Variants in KCNIP4 observed in about 807,000 individuals in gnomAD.
KCNIP4 encodes the protein Kv channel-interacting protein 4.
Under a neutral mutation model 34.0 loss-of-function variants are expected in KCNIP4, and 12 were observed. The ratio of observed to expected loss-of-function variants is 0.35; its 90% confidence interval spans 0.23 to 0.57. The LOEUF is 0.57. Among genes scored for constraint, KCNIP4 ranks in the 20% least tolerant of loss-of-function variants. The probability of loss-of-function intolerance (pLI) is 0.83; values close to 1 mark genes in which losing one functional copy is unlikely to be tolerated. For synonymous variants in KCNIP4, 124 were observed against 102.2 expected, an observed-to-expected ratio of 1.21 and a Z score of -1.29; for missense variants, 238 against 311.7, an observed-to-expected ratio of 0.76 and a Z score of 1.78.
intron 1 of KCNIP4, among the ~76,000 whole-genome samples, chr4:21,506,008 C>T (rs1160612343): frequency 6.6e-6 from 1 of 152,094 alleles, no homozygotes; most frequent in African/African-American, 2.4e-5. Flanking sequence ...GAGGCTGAGG[C>T]AGGAGAATCA....
At chr4:21,564,239 G>A (rs1739670399) in intron 1 of KCNIP4, among the ~76,000 whole-genome samples, 1 of 152,114 alleles carries the variant, frequency 6.6e-6, no homozygotes, top group Non-Finnish European at 1.5e-5. Context: ...CACGTTGAGT[G>A]CAAAGATGAG....
At chr4:21,047,324 A>G (rs1287101334) in intron 1 of KCNIP4, among the ~76,000 whole-genome samples, 2 of 152,200 alleles carry the variant, frequency 1.3e-5, no homozygotes, top group Non-Finnish European at 2.9e-5. Flanking sequence ...TGCTTACCAT[A>G]TAATGATTGG....
chr4:21,597,451 A>C (rs1742748120), intron 1 of KCNIP4, among the ~76,000 whole-genome samples: 1 of 152,082 alleles, frequency 6.6e-6, no homozygotes, highest in African/African-American at 2.4e-5. Context: ...TACACCCATG[A>C]ATATCTTCAC....
intron 1 of KCNIP4, among the ~76,000 whole-genome samples, chr4:21,122,386 T>C (rs1978740): frequency 0.33 from 48,513 of 145,130 alleles, 8,838 homozygotes; most frequent in African/African-American, 0.39. Context: ...GGTTAAATTG[T>C]TCTTGTAGGA....
intron 1 of KCNIP4, among the ~76,000 whole-genome samples, chr4:21,476,565 C>T (rs13109655): frequency 0.12 from 18,989 of 152,112 alleles, 1,351 homozygotes; most frequent in South Asian, 0.21. Context: ...GGACTTACAC[C>T]GTCCAGAACT....
At chr4:20,957,910 C>T (rs62296198) in intron 1 of KCNIP4, among the ~76,000 whole-genome samples, 1 of 152,296 alleles carries the variant, frequency 6.6e-6, no homozygotes, top group Admixed American at 6.5e-5. Context: ...GGCCTCACAT[C>T]CCTTCAGAGG....
intron 3 of KCNIP4, among the ~76,000 whole-genome samples, chr4:20,811,491 ATGTG>A (rs754289052): frequency 1.8e-4 from 26 of 147,510 alleles, no homozygotes; most frequent in Non-Finnish European, 3.7e-4. Context: ...GTGTGTGTGC[ATGTG>A]TGTGTGTGTG....
At chr4:21,492,462 G>A (rs1732495746) in intron 1 of KCNIP4, among the ~76,000 whole-genome samples, 1 of 152,006 alleles carries the variant, frequency 6.6e-6, no homozygotes, top group Non-Finnish European at 1.5e-5. Flanking sequence ...GGCCTCAAGT[G>A]ATCCTCCTGC....
intron 1 of KCNIP4, among the ~76,000 whole-genome samples, chr4:21,117,091 C>T (rs1749740636): frequency 6.6e-6 from 1 of 152,116 alleles, no homozygotes; most frequent in Admixed American, 6.6e-5. Context: ...ACTCCATTAA[C>T]CATTTCACAA....
At chr4:21,403,892 G>A (rs2109562432) in intron 1 of KCNIP4, among the ~76,000 whole-genome samples, 1 of 152,232 alleles carries the variant, frequency 6.6e-6, no homozygotes, top group Admixed American at 6.5e-5. Flanking sequence ...TTTTATACGA[G>A]CACTAATCCC....
chr4:21,366,643 G>A (rs987024537), intron 1 of KCNIP4, among the ~76,000 whole-genome samples: 1 of 152,128 alleles, frequency 6.6e-6, no homozygotes, highest in African/African-American at 2.4e-5. Flanking sequence ...TAAAGCTGAG[G>A]AGAACCCAAT....
chr4:21,158,765 T>C (rs1380218745), intron 1 of KCNIP4, among the ~76,000 whole-genome samples: 2 of 152,096 alleles, frequency 1.3e-5, no homozygotes, highest in Admixed American at 1.3e-4. Flanking sequence ...GTTCGAATTG[T>C]ATAGTGCAGA....
At chr4:20,788,835 A>T (rs1560465756) in intron 3 of KCNIP4, among the ~76,000 whole-genome samples, 1 of 152,148 alleles carries the variant, frequency 6.6e-6, no homozygotes, top group Non-Finnish European at 1.5e-5. Context: ...ACACAAAAGA[A>T]AAGACTTCTA....
intron 1 of KCNIP4, among the ~76,000 whole-genome samples, chr4:21,912,402 G>A (rs528897056): frequency 6.6e-6 from 1 of 152,274 alleles, no homozygotes; most frequent in East Asian, 1.9e-4. Flanking sequence ...GGTATACAAT[G>A]GTGAAGAAAT....
chr4:21,066,605 G>A (rs970527438), intron 1 of KCNIP4, among the ~76,000 whole-genome samples: 7 of 151,954 alleles, frequency 4.6e-5, no homozygotes, highest in Non-Finnish European at 1.0e-4. Context: ...CAGTGATTGT[G>A]AGACTTAGCA....
chr4:20,763,059 C>T (rs1421358745), intron 3 of KCNIP4, among the ~76,000 whole-genome samples: 2 of 152,112 alleles, frequency 1.3e-5, no homozygotes, highest in African/African-American at 4.8e-5. Flanking sequence ...GGAACTGCCT[C>T]CATGATTCAA....
At chr4:21,703,228 T>C (rs1713003888) in intron 1 of KCNIP4, among the ~76,000 whole-genome samples, 1 of 152,076 alleles carries the variant, frequency 6.6e-6, no homozygotes, top group Admixed American at 6.6e-5. Context: ...TTATTCAACA[T>C]AGTGTTGGAA....
rs543435231 is a variant in KCNIP4, at chr4:21,925,063, C to T, written c.61+23508G>A. Among the ~76,000 whole-genome samples the T allele has an allele frequency of 2.0e-5, 3 of 152,168 alleles. No homozygotes were observed. The East Asian group carries it at 5.8e-4, about 29-fold the overall frequency. ...ATTTCTGTCAACTCTTAGAAGATGT[C>T]ATTTCATTTTTTTCTTTTTTTTATT... On this transcript the variant is annotated intron_variant, in intron 1 of 8. Transcript: ENST00000382152.
At chr4:21,099,308 GC>G (rs1295140719) in intron 1 of KCNIP4, among the ~76,000 whole-genome samples, 5 of 152,150 alleles carry the variant, frequency 3.3e-5, no homozygotes, top group Non-Finnish European at 5.9e-5. Context: ...ATAAGATCAT[GC>G]CCTTTGCACG....
Sources: gnomAD v4.1 joint callset for allele counts (sites outside exome capture counted in the v4.1 genomes callset) on GRCh38, gnomAD v4.1.1 for gene constraint, MANE v1.5 for transcripts, NCBI Gene and HGNC (gene_info 2026-07-23, HGNC 2026-07-21) for gene names.